Variants in LRP1 observed in about 807,000 individuals in gnomAD.
LRP1 encodes prolow-density lipoprotein receptor-related protein 1.
Under a neutral mutation model 541.5 loss-of-function variants are expected in LRP1, and 51 were observed. The observed-to-expected ratio is 0.09, with a 90% CI of 0.08 to 0.12. The LOEUF (loss-of-function observed/expected upper bound fraction) is 0.12, where lower values mean the gene tolerates loss of function less well. Among genes scored for constraint, LRP1 ranks in the 10% least tolerant of loss-of-function variants. The pLI, the probability that LRP1 is intolerant of heterozygous loss-of-function variation, is 1.00. For missense variants in LRP1, 3,878 were observed against 6,376.2 expected (o/e 0.61, Z 13.34); for synonymous variants, 2,219 against 2,470.8 (o/e 0.90, Z 3.02).
Position 57,154,431 on chromosome 12 carries a change from G to A in LRP1, c.1005-48G>A. 11 of 1,606,894 alleles carry A rather than the reference G, an allele frequency of 6.8e-6. No homozygotes were observed. The highest frequency in any genetic ancestry group is 9.4e-6 in the Non-Finnish European group (11 of 1,174,522). ...TGGGAGGCTGAGGCTACAGTGGTAA[G>A]GAGGGTGCCCAATGTCCAGACCCCA... On this transcript the variant is annotated intron_variant, in intron 7 of 88. Transcript: ENST00000243077. The surrounding 1 kb of genome is among the most constrained non-coding windows in gnomAD (Gnocchi z 4.6).
At chr12:57,176,923 A>T in intron 24 of LRP1, 118 bp from the exon 25 acceptor site, 2 of 832,294 alleles carry the variant, frequency 2.4e-6, no homozygotes, top group Non-Finnish European at 4.0e-6. Flanking sequence ...TGGGCACATC[A>T]GAAACTTTGG....
chr12:57,132,993 G>T (rs1397153936), intron 1 of LRP1, among the ~76,000 whole-genome samples: 5 of 152,172 alleles, frequency 3.3e-5, no homozygotes, highest in African/African-American at 9.7e-5. Flanking sequence ...CTAATTTGGG[G>T]AATGGGTTTT....
chr12:57,166,138 C>T lies in LRP1; in HGVS notation c.2726C>T (p.Pro909Leu). 6.2e-7 allele frequency: 1 copy of T among 1,614,236 alleles called. No homozygotes were observed. The highest frequency in any genetic ancestry group is 8.5e-7 in the Non-Finnish European group (1 of 1,180,044). The change falls in exon 17 of 89, where the codon CCC becomes CTC. Residue 909 changes from proline (P) to leucine (L), a missense_variant. Around this residue, in one of 13 missense-constraint regions of LRP1, gnomAD observed 496 missense variants for 861.0 expected, o/e 0.58. Coordinates refer to ENST00000243077, the MANE Select transcript of LRP1 (RefSeq NM_002332.3). ...AAGTGCGAGAACAACCGGTGCATCC[C>T]CAACCGCTGGCTCTGCGACGGGGAC... ...RFKCENNRCI[P>L]NRWLCDGDND...
intron 3 of LRP1, 76 bp downstream of exon 3, chr12:57,141,587 G>A (rs2035293357): frequency 6.3e-7 from 1 of 1,575,110 alleles, no homozygotes; most frequent in Admixed American, 1.7e-5. Context: ...GACTGTCCTG[G>A]CACCTTCAGT....
rs779354987 is a variant in LRP1, at chr12:57,205,546, T to G, written c.11471-12T>G. On this transcript the variant is annotated splice_polypyrimidine_tract_variant and intron_variant, in intron 74 of 88. Coordinates refer to ENST00000243077, the MANE Select transcript of LRP1 (RefSeq NM_002332.3). The surrounding 1 kb of genome is among the most constrained non-coding windows in gnomAD (Gnocchi z 4.6). Reference sequence around the variant, plus strand: ...AACTGTGGACTCTCATGACCCTCCCTGTAACCCTTAGACATCAACGAGTGC... The same window carrying G: ...AACTGTGGACTCTCATGACCCTCCCGGTAACCCTTAGACATCAACGAGTGC... 1.2e-6 allele frequency: 2 copies of G among 1,613,850 alleles called. No homozygotes were observed. Among genetic ancestry groups the G allele is most frequent in the African/African-American group, 2.7e-5 (2 of 74,910 alleles).
intron 82 of LRP1, 61 bp from the exon 83 acceptor site, chr12:57,210,657 C>A: frequency 6.4e-7 from 1 of 1,556,466 alleles, no homozygotes; most frequent in Non-Finnish European, 8.8e-7. Context: ...GCCCATTCCT[C>A]TGCTATAGGG....
At chr12:57,157,057 G>A (rs888900058) in intron 10 of LRP1, 137 bp downstream of exon 10, 5 of 1,097,648 alleles carry the variant, frequency 4.6e-6, no homozygotes, top group Admixed American at 3.1e-5. Flanking sequence ...TGCTAGTGAG[G>A]GCAGAGATGG....
At chr12:57,172,399 G>C (rs1319559810) in intron 20 of LRP1, among the ~76,000 whole-genome samples, 2 of 152,122 alleles carry the variant, frequency 1.3e-5, no homozygotes, top group African/African-American at 2.4e-5. Context: ...TCGATCTCCC[G>C]ACCTCGTGAT....
chr12:57,191,095 A>G (rs767512017), intron 43 of LRP1, 86 bp downstream of exon 43: 97 of 1,404,074 alleles, frequency 6.9e-5, no homozygotes, highest in Non-Finnish European at 9.0e-5. Flanking sequence ...GTCCAGGCAC[A>G]GACATGGTGG....
chr12:57,203,560 G>C, intron 70 of LRP1, 39 bp downstream of exon 70: 2 of 1,470,222 alleles, frequency 1.4e-6, no homozygotes, highest in Non-Finnish European at 1.8e-6. Flanking sequence ...TCCTCCCTCT[G>C]CTGCCCACCC....
Position 57,179,109 on chromosome 12 carries a change from G to A in LRP1, c.4738+88G>A, listed in dbSNP as rs1423056368. 2.0e-6 allele frequency: 3 copies of A among 1,530,576 alleles called. No homozygotes were observed. Among genetic ancestry groups the A allele is most frequent in the South Asian group, 1.3e-5 (1 of 79,532 alleles). 94.8% of individuals were successfully genotyped at this position (1,530,576 alleles called of 1,614,324 possible). ...AGGATCCCGGTTGTCAGCTAAGGCA[G>A]AGTCCCAGTCGGGAGGGTCCCGATA... On this transcript the variant is annotated intron_variant, in intron 28 of 88. Transcript: ENST00000243077. The surrounding 1 kb of genome is among the most constrained non-coding windows in gnomAD (Gnocchi z 6.8).
rs1446766388 is a variant in LRP1, at chr12:57,145,294, T to C, written c.645T>C (p.Ser215=). ...NSQNILATYL[S]GAQVSTITPT... The stretch of plus-strand genomic sequence containing the variant: ...AGAACATCTTGGCCACGTACCTGAG[T>C]GGGGCCCAGGTGTCTACCATCACAC... Residue 215 remains serine (S), a synonymous_variant, in exon 6 of 89, where the codon AGT becomes AGC. Transcript: ENST00000243077. The C allele has an allele frequency of 1.2e-6, 2 of 1,614,042 alleles. No homozygotes were observed. The highest frequency in any genetic ancestry group is 3.3e-5 in the Admixed American group (2 of 60,012).
rs372849312 is a variant in LRP1 at position 57,208,109 on chromosome 12, G to A, written c.11931G>A (p.Ser3977=). ...WVAGNVYWTD[S]GRDVIEVAQM... is the part of the protein sequence containing the mutation. Reference sequence around the variant, plus strand: ...CCGGAAACGTGTACTGGACCGACTCGGGCCGAGATGTGATTGAGGTGGCGC... The same window carrying A: ...CCGGAAACGTGTACTGGACCGACTCAGGCCGAGATGTGATTGAGGTGGCGC... Residue 3977 remains serine (S), a synonymous_variant, in exon 77 of 89, where the codon TCG becomes TCA. Transcript: ENST00000243077. The A allele has an allele frequency of 1.7e-5, 28 of 1,614,076 alleles. No homozygotes were observed. The highest frequency in any genetic ancestry group is 5.5e-5 in the South Asian group (5 of 91,084).
At position 57,211,563 on chromosome 12, in the gene LRP1, A is replaced by G; in HGVS notation, c.13168A>G (p.Asn4390Asp). 1 of 1,614,038 alleles carries G rather than the reference A, an allele frequency of 6.2e-7. No individual in the cohort carries two copies. The highest frequency in any genetic ancestry group is 1.7e-5 in the Admixed American group (1 of 60,026). Residue 4390 changes from asparagine (N) to aspartate (D), a missense_variant, in exon 85 of 89, where the codon AAC becomes GAC. By Grantham distance (23) the Asn-to-Asp change is conservative. This residue lies in a region of LRP1 where 871 missense variants were observed against 1,212.4 expected (regional missense o/e 0.72). Transcript: ENST00000243077. The surrounding 1 kb of genome is among the most constrained non-coding windows in gnomAD (Gnocchi z 4.3). ...CAGCAATGGCGGCTCCTGTACCATG[A>G]ACAGCAAAATGATGCCTGAGTGCCA... ...HCSNGGSCTMNSKMMPECQCP... is the reference protein window; with the variant it reads ...HCSNGGSCTMDSKMMPECQCP...
Position 57,160,780 on chromosome 12 carries a change from A to G in LRP1, c.1980-113A>G. 5 of 705,000 alleles carry G rather than the reference A, an allele frequency of 7.1e-6. No individual in the cohort carries two copies. In the Admixed American group the frequency reaches 1.2e-4, roughly 17 times the overall value. The allele number at this position is 705,000 out of a possible 1,614,324, so 43.7% of individuals were successfully genotyped here. A position where few individuals can be genotyped will look rare whatever the true frequency, so the allele number is the denominator to read the frequency against. On this transcript the variant is annotated intron_variant, in intron 12 of 88. Coordinates refer to ENST00000243077, the MANE Select transcript of LRP1 (RefSeq NM_002332.3). ...TGAAATGTGTGGTCCAGTGATGAGC[A>G]GGACAGGAGACCCCTGTGAGGAGCT...
intron 6 of LRP1, among the ~76,000 whole-genome samples, chr12:57,153,784 A>C (rs1033636264): frequency 6.6e-6 from 1 of 152,182 alleles, no homozygotes. Context: ...TCCAGCTTCC[A>C]GTCAGTGCTT....
chr12:57,198,732 G>C, intron 60 of LRP1, 62 bp downstream of exon 60: 2 of 1,471,794 alleles, frequency 1.4e-6, no homozygotes, highest in Non-Finnish European at 1.9e-6. Context: ...GGTCTGAAGC[G>C]ACAGGGGATC....
chr12:57,200,076 A>G (rs1477573446), intron 62 of LRP1, 51 bp downstream of exon 62: 3 of 1,489,954 alleles, frequency 2.0e-6, no homozygotes, highest in Non-Finnish European at 1.8e-6. Context: ...CCAACCCCCA[A>G]ATCCTCCTTG....
intron 23 of LRP1, 71 bp from the exon 24 acceptor site, chr12:57,175,838 G>C: frequency 6.3e-7 from 1 of 1,590,676 alleles, no homozygotes; most frequent in African/African-American, 1.3e-5. Context: ...GCAGAGACCT[G>C]CCTGCGCCAG....
Sources: gnomAD v4.1 joint callset for allele counts (sites outside exome capture counted in the v4.1 genomes callset) on GRCh38, gnomAD v4.1.1 for gene constraint, gnomAD v4.1.1 regional missense constraint, Gnocchi (gnomAD v3.1) non-coding constraint, MANE v1.5 for transcripts, NCBI Gene and HGNC (gene_info 2026-07-23, HGNC 2026-07-21) for gene names.